AOAH: variants seen among roughly 807,000 people sequenced by gnomAD.
The protein encoded by AOAH is acyloxyacyl hydrolase.
A neutral mutation model predicts 92.2 loss-of-function variants in AOAH; 64 were observed. That is an observed-to-expected ratio of 0.69 (90% CI 0.57 to 0.86). AOAH has a LOEUF of 0.86. Ranked by LOEUF, AOAH falls within the 40% of genes least tolerant of loss-of-function variation. AOAH has a pLI of 0.00. For synonymous variants in AOAH, 263 were observed against 254.5 expected, an observed-to-expected ratio of 1.03 and a Z score of -0.32; for missense variants, 656 against 694.6, an observed-to-expected ratio of 0.94 and a Z score of 0.62.
chr7:36,694,476 G>C (rs1042882818), intron 1 of AOAH, among the ~76,000 whole-genome samples: 7 of 152,162 alleles, frequency 4.6e-5, no homozygotes, highest in Admixed American at 1.3e-4. Flanking sequence ...GGTGACAAGA[G>C]CAAAACTCCA....
intron 4 of AOAH, among the ~76,000 whole-genome samples, chr7:36,656,495 G>GA (rs1444720380): frequency 6.6e-6 from 1 of 151,816 alleles, no homozygotes; most frequent in Non-Finnish European, 1.5e-5. Flanking sequence ...GAGAAAGGAC[G>GA]AGAGAGAGAG....
intron 11 of AOAH, among the ~76,000 whole-genome samples, chr7:36,608,558 A>T (rs1164212476): frequency 6.6e-6 from 1 of 152,236 alleles, no homozygotes; most frequent in East Asian, 1.9e-4. Flanking sequence ...GGTAGCCATC[A>T]TTATTTATAC....
At chr7:36,621,637 G>A (rs1377375645) in intron 8 of AOAH, 73 bp downstream of exon 8, 2 of 1,383,380 alleles carry the variant, frequency 1.4e-6, no homozygotes, top group Non-Finnish European at 2.1e-6. Flanking sequence ...CCTAGGCTGG[G>A]GGAAGGAAAT....
chr7:36,593,213 G>A (rs1375762350), intron 12 of AOAH, among the ~76,000 whole-genome samples: 1 of 152,228 alleles, frequency 6.6e-6, no homozygotes, highest in Non-Finnish European at 1.5e-5. Flanking sequence ...GATGGGACAA[G>A]CCCTATCTAC....
chr7:36,642,496 C>T (rs1382997249), intron 4 of AOAH, among the ~76,000 whole-genome samples: 1 of 152,178 alleles, frequency 6.6e-6, no homozygotes, highest in African/African-American at 2.4e-5. Context: ...ACTTCAGCCT[C>T]CATAACTGTC....
chr7:36,688,442 C>T (rs1435317770), intron 1 of AOAH, among the ~76,000 whole-genome samples: 1 of 151,286 alleles, frequency 6.6e-6, no homozygotes, highest in Non-Finnish European at 1.5e-5. Flanking sequence ...ACTTTTACAC[C>T]CTAGTTTATG....
At chr7:36,613,608 TTTCTCCTGAG>T (rs1261261786) in intron 11 of AOAH, among the ~76,000 whole-genome samples, 1 of 152,196 alleles carries the variant, frequency 6.6e-6, no homozygotes, top group Admixed American at 6.5e-5. Flanking sequence ...ACAACTAGCC[TTTCTCCTGAG>T]TTCCAGAATT....
chr7:36,625,630 C>T lies in AOAH; in HGVS notation c.522-2380G>A, dbSNP rs1455487528. Among the ~76,000 whole-genome samples the T allele has an allele frequency of 2.0e-5, 3 of 152,156 alleles. 1 individual carries two copies. The East Asian group carries it at 5.8e-4, about 29-fold the overall frequency. On this transcript the variant is annotated intron_variant, in intron 6 of 20. Transcript: ENST00000617537. ...AGAAACGTTCTACTTGCTGACTCCACACATCCACACTTACAGGAAAAGTGA... is the reference window on the plus strand; with the variant it reads ...AGAAACGTTCTACTTGCTGACTCCATACATCCACACTTACAGGAAAAGTGA...
chr7:36,603,483 C>G (rs1790752641), intron 11 of AOAH, among the ~76,000 whole-genome samples: 1 of 152,192 alleles, frequency 6.6e-6, no homozygotes, highest in African/African-American at 2.4e-5. Context: ...TTCTAGGTCT[C>G]ATGGTAGCTT....
chr7:36,623,069 T>C, intron 7 of AOAH, 121 bp downstream of exon 7: 3 of 861,654 alleles, frequency 3.5e-6, no homozygotes, highest in Non-Finnish European at 5.7e-6. Flanking sequence ...TGAAATGATG[T>C]GTTGTTCATC....
chr7:36,672,592 G>A (rs1223427238), intron 3 of AOAH, among the ~76,000 whole-genome samples: 1 of 152,144 alleles, frequency 6.6e-6, no homozygotes. Context: ...GACACAGGGA[G>A]GGGAACATCA....
chr7:36,698,944 C>A (rs1797875767), intron 1 of AOAH, among the ~76,000 whole-genome samples: 1 of 151,926 alleles, frequency 6.6e-6, no homozygotes, highest in African/African-American at 2.4e-5. Flanking sequence ...ATTAATCAAC[C>A]TCTCCTCATT....
chr7:36,576,934 A>C (rs1252606916), intron 12 of AOAH, among the ~76,000 whole-genome samples: 2 of 152,076 alleles, frequency 1.3e-5, no homozygotes, highest in Non-Finnish European at 2.9e-5. Flanking sequence ...ATCCCTTTCA[A>C]ATGCTTTTTA....
chr7:36,709,395 T>C (rs1798623007), intron 1 of AOAH, among the ~76,000 whole-genome samples: 1 of 152,162 alleles, frequency 6.6e-6, no homozygotes, highest in African/African-American at 2.4e-5. Context: ...GAGGCCACAG[T>C]ATAGTTGCTT....
chr7:36,563,078 C>T (rs913345893), intron 13 of AOAH, among the ~76,000 whole-genome samples: 6 of 131,530 alleles, frequency 4.6e-5, no homozygotes, highest in Non-Finnish European at 6.2e-5. Flanking sequence ...AACCAGAAGG[C>T]GGAGGTTGCA....
chr7:36,642,306 CTG>C (rs1436025710), intron 4 of AOAH, among the ~76,000 whole-genome samples: 3 of 152,106 alleles, frequency 2.0e-5, no homozygotes, highest in South Asian at 2.1e-4. Flanking sequence ...AAACAGAACA[CTG>C]TGCAAAGGAA....
chr7:36,636,497 T>C (rs1793534802), intron 5 of AOAH, among the ~76,000 whole-genome samples: 2 of 152,354 alleles, frequency 1.3e-5, no homozygotes, highest in African/African-American at 4.8e-5. Flanking sequence ...CCATTTCTGC[T>C]CAGAGTTCTG....
chr7:36,661,833 C>T (rs1795230202), intron 3 of AOAH, among the ~76,000 whole-genome samples: 1 of 152,148 alleles, frequency 6.6e-6, no homozygotes, highest in South Asian at 2.1e-4. Context: ...ATGCCCATTT[C>T]ACAGACTCAA....
rs367606562 is a variant in AOAH at position 36,709,949 on chromosome 7, T to C, written c.127+14073A>G. Among the ~76,000 whole-genome samples, 18 of 152,320 alleles carry C rather than the reference T, an allele frequency of 1.2e-4. No homozygotes were observed. The South Asian group carries it at 3.1e-3, about 26-fold the overall frequency. On this transcript the variant is annotated intron_variant, in intron 1 of 20. Transcript: ENST00000617537. Reference sequence around the variant, plus strand: ...TCTATTGATTTCTATTATGTATTCATGTCTATTTGGTGAATCACTTTGGAA... The same window carrying C: ...TCTATTGATTTCTATTATGTATTCACGTCTATTTGGTGAATCACTTTGGAA...
Sources: gnomAD v4.1 joint callset for allele counts (sites outside exome capture counted in the v4.1 genomes callset) on GRCh38, gnomAD v4.1.1 for gene constraint, MANE v1.5 for transcripts, NCBI Gene and HGNC (gene_info 2026-07-23, HGNC 2026-07-21) for gene names.